The following KIR2DL1 variants were observed in gnomAD, a reference collection of about 807,000 sequenced individuals.
KIR2DL1 encodes killer cell immunoglobulin like receptor, two Ig domains and long cytoplasmic tail 1.
KIR2DL1 carries 38 observed loss-of-function variants against 33.9 expected under a neutral mutation model. The ratio of observed to expected loss-of-function variants is 1.12; its 90% CI spans 0.86 to 1.47. KIR2DL1 has a LOEUF of 1.47. KIR2DL1 is among the 40% of genes most tolerant of loss of function. The probability of loss-of-function intolerance (pLI) is 0.00; values close to 1 mark genes in which losing one functional copy is unlikely to be tolerated. For missense variants in KIR2DL1, 531 were observed against 433.9 expected (o/e 1.22, Z -1.99); for synonymous variants, 179 against 165.9 (o/e 1.08, Z -0.61).
chr19:54,782,610 G>C (rs2077123597), intron 5 of KIR2DL1, among the ~76,000 whole-genome samples: 1 of 152,084 alleles, frequency 6.6e-6, no homozygotes, highest in Non-Finnish European at 1.5e-5. Context: ...GCATTGATGT[G>C]TTCATGATGG....
chr19:54,771,391 A>G (rs1204932698), intron 2 of KIR2DL1, among the ~76,000 whole-genome samples: 1 of 148,230 alleles, frequency 6.7e-6, no homozygotes, highest in Non-Finnish European at 1.5e-5. Context: ...ATTAAAATCT[A>G]GTAGGAGTCT....
chr19:54,777,626 C>T (rs1351785018), intron 4 of KIR2DL1, among the ~76,000 whole-genome samples: 3 of 148,590 alleles, frequency 2.0e-5, no homozygotes, highest in Non-Finnish European at 4.5e-5. Context: ...TGGGTTGTCT[C>T]TTCACTTTGT....
chr19:54,779,796 G>C (rs2076755237), intron 5 of KIR2DL1, among the ~76,000 whole-genome samples: 1 of 147,678 alleles, frequency 6.8e-6, no homozygotes, highest in Admixed American at 6.9e-5. Context: ...TTGGGACACT[G>C]ATATTGCAGA....
chr19:54,773,738 T>C lies in KIR2DL1; in HGVS notation c.370+106T>C, dbSNP rs537088200. The C allele has an allele frequency of 6.5e-6, 8 of 1,233,824 alleles. No homozygotes were observed. The South Asian group carries it at 7.6e-5, about 12-fold the overall frequency. 76.4% of individuals were successfully genotyped at this position (1,233,824 alleles called of 1,614,324 possible). A position where few individuals can be genotyped will look rare whatever the true frequency, so the allele number is the denominator to read the frequency against. ...AAGGAAGATGAGCTTGGTATTCTTA[T>C]GGAGAGAGACTGACTTGGTGAGGTC... is the stretch of plus-strand genomic sequence containing the variant. On this transcript the variant is annotated intron_variant, in intron 3 of 7. Coordinates refer to ENST00000336077, the MANE Select transcript of KIR2DL1 (RefSeq NM_014218.3).
At position 54,782,672 on chromosome 19, in the gene KIR2DL1, G is replaced by A. The variant is rs1600879764; in HGVS notation, c.716-250G>A. On this transcript the variant is annotated intron_variant, in intron 5 of 7. Coordinates refer to ENST00000336077, the MANE Select transcript of KIR2DL1 (RefSeq NM_014218.3). ...TCAAGAGGCCCAACCTCCCACAGTG[G>A]GGGTGAAATTTCAATGTGAGGTTTG... Among the ~76,000 whole-genome samples, 6 of 151,984 alleles carry A rather than the reference G, an allele frequency of 3.9e-5. No individual in the cohort carries two copies. In the South Asian group the frequency reaches 1.2e-3, roughly 32 times the overall value.
At chr19:54,770,287 C>G (rs2075526825) in intron 1 of KIR2DL1, among the ~76,000 whole-genome samples, 2 of 140,672 alleles carry the variant, frequency 1.4e-5, no homozygotes, top group South Asian at 4.6e-4. Flanking sequence ...AGATATGGGC[C>G]AGGAGTGGAG....
In KIR2DL1 at chr19:54,772,554, G is replaced by A. The variant is rs1328199908; in HGVS notation, c.71-779G>A. On this transcript the variant is annotated intron_variant, in intron 2 of 7. Coordinates refer to ENST00000336077, the MANE Select transcript of KIR2DL1 (RefSeq NM_014218.3). ...AAGGACAAGTTAAGAAACAACACAA[G>A]GATAGCCAGGCATGGTGGCAGGTGC... Among the ~76,000 whole-genome samples, 3 of 145,694 alleles carry A rather than the reference G, an allele frequency of 2.1e-5. No individual in the cohort carries two copies. The East Asian group carries it at 5.9e-4, about 29-fold the overall frequency.
intron 5 of KIR2DL1, among the ~76,000 whole-genome samples, chr19:54,782,214 G>A (rs1313077958): frequency 6.7e-6 from 1 of 149,738 alleles, no homozygotes; most frequent in African/African-American, 2.5e-5. Flanking sequence ...ACTGCATGAC[G>A]TCCTCCAGGA....
chr19:54,773,940 G>A (rs1352962570), intron 3 of KIR2DL1, among the ~76,000 whole-genome samples: 1 of 148,604 alleles, frequency 6.7e-6, no homozygotes, highest in Non-Finnish European at 1.5e-5. Context: ...CAGAGACCTG[G>A]CACAGGTTAG....
chr19:54,775,114 A>G, intron 3 of KIR2DL1, 51 bp from the exon 4 acceptor site: 1 of 1,524,042 alleles, frequency 6.6e-7, no homozygotes, highest in Non-Finnish European at 8.9e-7. Flanking sequence ...AGGTGAAGGG[A>G]GCTGTGACAA....
rs758795930 is a variant in KIR2DL1, at chr19:54,775,476, C to T, written c.664+18C>T. On this transcript the variant is annotated intron_variant, in intron 4 of 7. Coordinates refer to ENST00000336077, the MANE Select transcript of KIR2DL1 (RefSeq NM_014218.3). ...TGTCACAGGTGAGGAAAGCCCATGG[C>T]TGTCCCATGTCCTATGATCCTAGAG... 6.3e-7 allele frequency: 1 copy of T among 1,577,130 alleles called. No homozygotes were observed. Among genetic ancestry groups the T allele is most frequent in the African/African-American group, 1.4e-5 (1 of 73,962 alleles).
At chr19:54,778,279 A>G (rs1224502310) in intron 4 of KIR2DL1, among the ~76,000 whole-genome samples, 4 of 149,478 alleles carry the variant, frequency 2.7e-5, no homozygotes, top group Admixed American at 6.8e-5. Context: ...ATAAAAAACC[A>G]TTGGATGTAA....
At chr19:54,779,193 C>G (rs77364841) in intron 5 of KIR2DL1, among the ~76,000 whole-genome samples, 15,720 of 103,310 alleles carry the variant, frequency 0.15, 21 homozygotes, top group South Asian at 0.25. Flanking sequence ...CAGTGTGGAA[C>G]CTTTTCCTAT....
In KIR2DL1 at chr19:54,775,651, C is replaced by T. The variant is rs1366985532; in HGVS notation, c.664+193C>T. Among the ~76,000 whole-genome samples the T allele has an allele frequency of 8.1e-5, 12 of 148,706 alleles. 2 individuals are homozygous for T. Among genetic ancestry groups the T allele is most frequent in the East Asian group, 5.8e-4 (3 of 5,154 alleles). ...CCTACATGGCCTGCATGGAGGCCCA[C>T]GGCCAGGGCTCCAGGCACCCAGGCA... On this transcript the variant is annotated intron_variant, in intron 4 of 7. Transcript: ENST00000336077.
At chr19:54,775,567 G>C in intron 4 of KIR2DL1, 109 bp downstream of exon 4, 4 of 1,327,592 alleles carry the variant, frequency 3.0e-6, no homozygotes, top group Admixed American at 2.1e-5. Context: ...AGAAGACGCA[G>C]CCTCGGTGTG....
At position 54,782,932 on chromosome 19, in the gene KIR2DL1, A is replaced by G. The variant is rs780278433; in HGVS notation, c.726A>G (p.Arg242=). ...TEPSSKTGNP[R]HLHILIGTSV... ...CTCATCTTCTTCCAGGTAACCCCCG[A>G]CACCTGCACATTCTGATTGGGACCT... The change falls in exon 6 of 8, where the codon CGA becomes CGG. Residue 242 remains arginine (R), a synonymous_variant. Transcript: ENST00000336077. 2 of 1,613,576 alleles carry G rather than the reference A, an allele frequency of 1.2e-6. No homozygotes were observed. Among genetic ancestry groups the G allele is most frequent in the South Asian group, 1.1e-5 (1 of 91,078 alleles).
chr19:54,782,831 A>T lies in KIR2DL1; in HGVS notation c.716-91A>T. The T allele has an allele frequency of 4.9e-6, 7 of 1,421,530 alleles. No individual in the cohort carries two copies. The South Asian group carries it at 5.7e-5, about 12-fold the overall frequency. 88.1% of individuals were successfully genotyped at this position (1,421,530 alleles called of 1,614,324 possible). On this transcript the variant is annotated intron_variant, in intron 5 of 7. Coordinates refer to ENST00000336077, the MANE Select transcript of KIR2DL1 (RefSeq NM_014218.3). ...GGTGCTTGTCCTAAAGAGGTGTTTT[A>T]TGTGGTTACCTGTCAATCAAGAAAT...
chr19:54,773,859 CAGAA>C, intron 3 of KIR2DL1, among the ~76,000 whole-genome samples: 1 of 148,500 alleles, frequency 6.7e-6, no homozygotes, highest in South Asian at 2.1e-4. Context: ...TTAGAAAAGA[CAGAA>C]AGAGTTAAAG....
At chr19:54,774,192 G>A (rs1296179226) in intron 3 of KIR2DL1, among the ~76,000 whole-genome samples, 2 of 148,650 alleles carry the variant, frequency 1.3e-5, no homozygotes, top group African/African-American at 4.9e-5. Context: ...GGATTCTGAG[G>A]CTCATATTCC....
Sources: gnomAD v4.1 joint callset for allele counts (sites outside exome capture counted in the v4.1 genomes callset) on GRCh38, gnomAD v4.1.1 for gene constraint, MANE v1.5 for transcripts, NCBI Gene and HGNC (gene_info 2026-07-23, HGNC 2026-07-21) for gene names.